Variants in MECOM observed in about 807,000 individuals in gnomAD.
MECOM encodes the protein MDS1 and EVI1 complex locus.
In MECOM, 13 loss-of-function variants were observed where a neutral mutation model predicts 116.3. The ratio of observed to expected loss-of-function variants is 0.11; its 90% CI spans 0.07 to 0.18. The LOEUF (loss-of-function observed/expected upper bound fraction) is 0.18, where lower values mean the gene tolerates loss of function less well. MECOM is among the 10% of genes least tolerant of loss of function. The probability of loss-of-function intolerance (pLI) is 1.00; values close to 1 mark genes in which losing one functional copy is unlikely to be tolerated. For synonymous variants in MECOM, 528 were observed against 535.2 expected (o/e 0.99, Z 0.19); for missense variants, 1,299 against 1,509.0 (o/e 0.86, Z 2.31).
rs528693474 is a variant in MECOM at position 169,335,908 on chromosome 3, A to T, written c.375+45279T>A. Among the ~76,000 whole-genome samples the T allele has an allele frequency of 1.3e-4, 20 of 152,260 alleles. No homozygotes were observed. The South Asian group carries it at 4.1e-3, about 32-fold the overall frequency. ...TTTCATATTATCTTAATACATTTAG[A>T]AACAGAAAAATTAGTTTTGGTGTTC... is the stretch of plus-strand genomic sequence containing the variant. On this transcript the variant is annotated intron_variant, in intron 2 of 16. Transcript: ENST00000651503.
intron 1 of MECOM, among the ~76,000 whole-genome samples, chr3:169,486,168 C>A (rs1324686323): frequency 6.7e-6 from 1 of 150,194 alleles, no homozygotes; most frequent in Non-Finnish European, 1.5e-5. Flanking sequence ...TCTTTAAAAG[C>A]AAATCAACAA....
intron 2 of MECOM, among the ~76,000 whole-genome samples, chr3:169,323,841 C>T (rs1488851691): frequency 6.6e-6 from 1 of 152,110 alleles, no homozygotes; most frequent in Non-Finnish European, 1.5e-5. Flanking sequence ...AAATAAAGTG[C>T]TTGGGTTTGA....
chr3:169,376,918 T>G (rs919940316), intron 2 of MECOM, among the ~76,000 whole-genome samples: 2 of 152,176 alleles, frequency 1.3e-5, no homozygotes, highest in African/African-American at 4.8e-5. Flanking sequence ...GCTGCCTGAC[T>G]TCAAACTATA....
chr3:169,237,610 C>CAAAAAAAAAAAAA (rs775383808), intron 2 of MECOM, among the ~76,000 whole-genome samples: 1 of 80,644 alleles, frequency 1.2e-5, no homozygotes, highest in African/African-American at 4.5e-5. Flanking sequence ...GTCTCCATCA[C>CAAAAAAAAAAAAA]AAAAAAAAAA....
intron 1 of MECOM, among the ~76,000 whole-genome samples, chr3:169,645,713 A>G (rs891596879): frequency 6.6e-6 from 1 of 152,236 alleles, no homozygotes; most frequent in Non-Finnish European, 1.5e-5. Context: ...AGACAACCCT[A>G]TGCCTGTAAA....
intron 1 of MECOM, among the ~76,000 whole-genome samples, chr3:169,654,638 A>T (rs1775304067): frequency 6.6e-6 from 1 of 152,224 alleles, no homozygotes; most frequent in Non-Finnish European, 1.5e-5. Context: ...GAAATAAGAA[A>T]GAATGGTGGC....
At chr3:169,517,678 T>C (rs116038275) in intron 1 of MECOM, among the ~76,000 whole-genome samples, 15 of 152,288 alleles carry the variant, frequency 9.8e-5, no homozygotes, top group Non-Finnish European at 2.2e-4. Context: ...GAAGAACCCC[T>C]AAGCCAGAAT....
At chr3:169,163,658 A>G (rs1465379152) in intron 2 of MECOM, among the ~76,000 whole-genome samples, 2 of 152,068 alleles carry the variant, frequency 1.3e-5, no homozygotes, top group African/African-American at 4.8e-5. Context: ...ATGGGATTCA[A>G]ACCCTGATCA....
At chr3:169,087,265 G>A (rs1718093271) in intron 16 of MECOM, among the ~76,000 whole-genome samples, 2 of 152,044 alleles carry the variant, frequency 1.3e-5, no homozygotes, top group African/African-American at 4.8e-5. Flanking sequence ...TAAATAAGAA[G>A]CATTTTTGGT....
At chr3:169,172,443 G>GTGTGTA (rs1491201932) in intron 2 of MECOM, among the ~76,000 whole-genome samples, 2 of 148,582 alleles carry the variant, frequency 1.3e-5, no homozygotes, top group Non-Finnish European at 3.0e-5. Context: ...GTGTGTGTGT[G>GTGTGTA]TATACATATA....
intron 1 of MECOM, among the ~76,000 whole-genome samples, chr3:169,388,639 C>G (rs891807755): frequency 1.3e-5 from 2 of 152,148 alleles, no homozygotes; most frequent in African/African-American, 4.8e-5. Flanking sequence ...ATGGGAACTG[C>G]TGATGGGCAT....
At chr3:169,500,920 GGAAAAGTTTTAATAAA>G (rs1193668732) in intron 1 of MECOM, among the ~76,000 whole-genome samples, 1 of 151,970 alleles carries the variant, frequency 6.6e-6, no homozygotes. Flanking sequence ...AAAGGAGAGA[GGAAAAGTTTTAATAAA>G]GAAAAGTTTT....
At chr3:169,282,889 AT>A (rs11360418) in intron 2 of MECOM, among the ~76,000 whole-genome samples, 23,169 of 149,038 alleles carry the variant, frequency 0.16, 3,758 homozygotes, top group African/African-American at 0.41. Context: ...ACAGTTCTTA[AT>A]TTTTTTTTTT....
At chr3:169,140,760 A>G (rs908410929) in intron 3 of MECOM, among the ~76,000 whole-genome samples, 17 of 152,014 alleles carry the variant, frequency 1.1e-4, no homozygotes, top group African/African-American at 4.1e-4. Context: ...AATTTCCTTA[A>G]ATAAAATGCT....
At chr3:169,430,995 A>C (rs1199596443) in intron 1 of MECOM, among the ~76,000 whole-genome samples, 4 of 152,186 alleles carry the variant, frequency 2.6e-5, no homozygotes, top group Non-Finnish European at 5.9e-5. Flanking sequence ...GCAAGTTTCT[A>C]ATAACATTTT....
chr3:169,200,488 A>G (rs1748999412), intron 2 of MECOM, among the ~76,000 whole-genome samples: 1 of 152,078 alleles, frequency 6.6e-6, no homozygotes, highest in African/African-American at 2.4e-5. Context: ...TCAAAAGGGA[A>G]TTAAGAAAAC....
At chr3:169,258,197 G>T (rs1757106342) in intron 2 of MECOM, among the ~76,000 whole-genome samples, 1 of 152,022 alleles carries the variant, frequency 6.6e-6, no homozygotes. Context: ...TCCAGCCTGG[G>T]TGACAGAGAA....
At chr3:169,304,318 T>C (rs1415892924) in intron 2 of MECOM, among the ~76,000 whole-genome samples, 2 of 152,370 alleles carry the variant, frequency 1.3e-5, no homozygotes, top group South Asian at 2.1e-4. Context: ...ACTTACTTTG[T>C]ATTTTGTTCC....
At chr3:169,626,384 C>A (rs943658048) in intron 1 of MECOM, among the ~76,000 whole-genome samples, 2 of 152,236 alleles carry the variant, frequency 1.3e-5, no homozygotes, top group Non-Finnish European at 2.9e-5. Flanking sequence ...AGCTTGGGAG[C>A]AGAAGGTACC....
Sources: allele counts gnomAD v4.1 joint callset (sites outside exome capture counted in the v4.1 genomes callset), GRCh38; gene constraint gnomAD v4.1.1; transcripts MANE v1.5; gene names NCBI Gene and HGNC (gene_info 2026-07-23, HGNC 2026-07-21).